The following TMEM132D variants were observed in gnomAD, a reference collection of about 807,000 sequenced individuals.
The protein encoded by TMEM132D is transmembrane protein 132D, also known as mature OL transmembrane protein.
Under a neutral mutation model 62.3 loss-of-function variants are expected in TMEM132D, and 21 were observed. That is an observed-to-expected ratio of 0.34 (90% confidence interval 0.24 to 0.49). The LOEUF (loss-of-function observed/expected upper bound fraction) is 0.49. Among genes scored for constraint, TMEM132D ranks in the 20% least tolerant of loss-of-function variants. The pLI is 0.99. For missense variants in TMEM132D, 1,346 were observed against 1,402.8 expected, an observed-to-expected ratio of 0.96 and a Z score of 0.65; for synonymous variants, 621 against 575.6, an observed-to-expected ratio of 1.08 and a Z score of -1.13.
intron 1 of TMEM132D, among the ~76,000 whole-genome samples, chr12:129,728,112 G>A (rs1020729739): frequency 1.3e-5 from 2 of 152,166 alleles, no homozygotes; most frequent in Non-Finnish European, 2.9e-5. Flanking sequence ...CCCCATTGAC[G>A]GTACTGGGTT....
In TMEM132D at chr12:129,633,384, C is replaced by T. The variant is rs990104025; in HGVS notation, c.968+66426G>A. On this transcript the variant is annotated intron_variant, in intron 2 of 8. Coordinates refer to ENST00000422113, the MANE Select transcript of TMEM132D (RefSeq NM_133448.3). ...AATGAGCTTAGTTTTGTGGGACTCC[C>T]GGCCATAGTAGGTAGAAAACCCATT... Among the ~76,000 whole-genome samples, 5 of 152,236 alleles carry T rather than the reference C, an allele frequency of 3.3e-5. No individual in the cohort carries two copies. The South Asian group carries it at 6.2e-4, about 19-fold the overall frequency.
rs1400223160 is a variant in TMEM132D, at chr12:129,188,758, AGAGG to A, written c.1443+20758_1443+20761del. On this transcript the variant is annotated intron_variant, in intron 5 of 8. Transcript: ENST00000422113. ...GGGAAGGAGGGAGAGGGGGAGGGAGAGAGGGAGAGAGAGAGAGAGAGAGAGAGAG... is the reference window on the plus strand; with the variant it reads ...GGGAAGGAGGGAGAGGGGGAGGGAGAGAGAGAGAGAGAGAGAGAGAGAGAG... Among the ~76,000 whole-genome samples the A allele has an allele frequency of 2.7e-3, 155 of 56,376 alleles. 1 individual carries two copies. Among genetic ancestry groups the A allele is most frequent in the African/African-American group, 7.7e-3 (144 of 18,750 alleles). 37.0% of individuals were successfully genotyped at this position (56,376 alleles called of 152,430 possible).
intron 5 of TMEM132D, among the ~76,000 whole-genome samples, chr12:129,104,255 G>A (rs1875411419): frequency 6.6e-6 from 1 of 151,456 alleles, no homozygotes; most frequent in African/African-American, 2.4e-5. Flanking sequence ...ACAACTATCT[G>A]ATCTTTGACA....
intron 2 of TMEM132D, among the ~76,000 whole-genome samples, chr12:129,532,436 G>A (rs1876256472): frequency 6.6e-6 from 1 of 152,194 alleles, no homozygotes; most frequent in Non-Finnish European, 1.5e-5. Context: ...AAAAGGCGAG[G>A]GGGAGATGAC....
rs137914691 is a variant in TMEM132D at position 129,633,319 on chromosome 12, G to A, written c.968+66491C>T. ...ATACATTGTTTCCAATTCTTACAAGGAGCTTTTACCTATTTAAATTCAAGA... is the reference window on the plus strand; with the variant it reads ...ATACATTGTTTCCAATTCTTACAAGAAGCTTTTACCTATTTAAATTCAAGA... On this transcript the variant is annotated intron_variant, in intron 2 of 8. Coordinates refer to ENST00000422113, the MANE Select transcript of TMEM132D (RefSeq NM_133448.3). Among the ~76,000 whole-genome samples the A allele has an allele frequency of 1.7e-3, 264 of 152,218 alleles. 1 individual carries two copies. The highest frequency in any genetic ancestry group is 1.7e-3 in the Non-Finnish European group (118 of 68,026).
intron 3 of TMEM132D, among the ~76,000 whole-genome samples, chr12:129,512,266 G>A (rs944169297): frequency 1.3e-5 from 2 of 152,176 alleles, no homozygotes; most frequent in African/African-American, 4.8e-5. Context: ...GATTGGCCCA[G>A]GGAGAGGCAC....
At chr12:129,385,311 G>A (rs987250076) in intron 3 of TMEM132D, among the ~76,000 whole-genome samples, 1 of 151,668 alleles carries the variant, frequency 6.6e-6, no homozygotes, top group African/African-American at 2.4e-5. Context: ...TTGTCATATT[G>A]GCCAAGCTGG....
intron 2 of TMEM132D, among the ~76,000 whole-genome samples, chr12:129,627,923 G>A: frequency 6.6e-6 from 1 of 152,158 alleles, no homozygotes; most frequent in Non-Finnish European, 1.5e-5. Flanking sequence ...GGGGGTCAAG[G>A]CTGCAGTGAG....
intron 4 of TMEM132D, chr12:129,212,224 T>A (rs1457235080): frequency 1.3e-5 from 2 of 152,254 alleles, no homozygotes. Flanking sequence ...ACGCTGGGAA[T>A]GACTGATGAG....
chr12:129,835,887 C>A (rs1872989815), intron 1 of TMEM132D, among the ~76,000 whole-genome samples: 1 of 152,186 alleles, frequency 6.6e-6, no homozygotes, highest in African/African-American at 2.4e-5. Flanking sequence ...GCTCTCTTCC[C>A]CACCATGGGA....
intron 5 of TMEM132D, among the ~76,000 whole-genome samples, chr12:129,180,701 C>T (rs77186700): frequency 6.3e-4 from 96 of 152,130 alleles, no homozygotes; most frequent in Middle Eastern, 3.4e-3. Context: ...CGAAGGAGGC[C>T]GTTTCCAGAT....
intron 3 of TMEM132D, among the ~76,000 whole-genome samples, chr12:129,484,466 T>C (rs959981851): frequency 1.2e-4 from 18 of 152,348 alleles, no homozygotes; most frequent in Non-Finnish European, 1.5e-4. Context: ...CTATAAAATA[T>C]CATCTCGTGC....
rs569385038 is a variant in TMEM132D at position 129,309,910 on chromosome 12, C to T, written c.1299+27724G>A. Among the ~76,000 whole-genome samples the T allele has an allele frequency of 2.6e-5, 4 of 152,140 alleles. No homozygotes were observed. In the East Asian group the frequency reaches 5.8e-4, roughly 22 times the overall value. ...GTAGAGTCGTCCTCTGCAGCTGGAG[C>T]GTTTCCACAAGACACCCGACTGAGC... On this transcript the variant is annotated intron_variant, in intron 4 of 8. Transcript: ENST00000422113.
intron 3 of TMEM132D, among the ~76,000 whole-genome samples, chr12:129,444,179 A>T (rs1873025137): frequency 6.6e-6 from 1 of 152,246 alleles, no homozygotes; most frequent in South Asian, 2.1e-4. Context: ...CCTAGGCAGT[A>T]CCATTCAGGA....
At chr12:129,784,865 G>A (rs187601775) in intron 1 of TMEM132D, among the ~76,000 whole-genome samples, 62 of 152,196 alleles carry the variant, frequency 4.1e-4, no homozygotes, top group Admixed American at 2.7e-3. Context: ...AAAATGTCAC[G>A]CTGAATGCAC....
intron 3 of TMEM132D, among the ~76,000 whole-genome samples, chr12:129,385,014 AACAAAAC>A (rs1297915578): frequency 6.6e-6 from 1 of 151,804 alleles, no homozygotes; most frequent in Non-Finnish European, 1.5e-5. Context: ...TGTCTATTAT[AACAAAAC>A]ATCCCTGAAT....
At chr12:129,418,792 T>A (rs191683333) in intron 3 of TMEM132D, among the ~76,000 whole-genome samples, 2 of 152,272 alleles carry the variant, frequency 1.3e-5, no homozygotes, top group East Asian at 1.9e-4. Flanking sequence ...TAAGTTAAGA[T>A]GAGGCCATGC....
At chr12:129,406,491 G>A (rs1228282773) in intron 3 of TMEM132D, among the ~76,000 whole-genome samples, 3 of 152,022 alleles carry the variant, frequency 2.0e-5, no homozygotes, top group African/African-American at 7.2e-5. Context: ...GTGGTGGCAT[G>A]TGCCTGTAAT....
At chr12:129,149,958 T>C (rs371100498) in intron 5 of TMEM132D, among the ~76,000 whole-genome samples, 1 of 152,264 alleles carries the variant, frequency 6.6e-6, no homozygotes, top group East Asian at 1.9e-4. Context: ...AGCCCAGTGC[T>C]CTTTGTCTGA....
Sources: gnomAD v4.1 joint callset for allele counts (sites outside exome capture counted in the v4.1 genomes callset) on GRCh38, gnomAD v4.1.1 for gene constraint, MANE v1.5 for transcripts, NCBI Gene and HGNC (gene_info 2026-07-23, HGNC 2026-07-21) for gene names.